Variants in TNXB observed in about 807,000 individuals in gnomAD.
The protein encoded by TNXB is tenascin XB.
Under a neutral mutation model 340.5 loss-of-function variants are expected in TNXB, and 183 were observed. The observed-to-expected ratio is 0.54, with a 90% CI of 0.48 to 0.61. The LOEUF is 0.61. Among genes scored for constraint, TNXB ranks in the 20% least tolerant of loss-of-function variants. TNXB has a pLI of 0.00. For synonymous variants in TNXB, 2,121 were observed against 2,314.5 expected (o/e 0.92, Z 2.40); for missense variants, 4,613 against 5,446.4 (o/e 0.85, Z 4.82).
Position 32,062,201 on chromosome 6 carries a change from T to G in TNXB, c.7124A>C (p.His2375Pro), listed in dbSNP as rs762163503. 4.3e-6 allele frequency: 7 copies of G among 1,612,392 alleles called. No homozygotes were observed. Among genetic ancestry groups the G allele is most frequent in the African/African-American group, 1.3e-5 (1 of 74,936 alleles). Residue 2375 changes from histidine (H) to proline (P), a missense_variant, in exon 20 of 44, where the codon CAC becomes CCC. This residue lies in a region of TNXB where 4,327 missense variants were observed against 4,859.4 expected (regional missense o/e 0.89). Coordinates refer to ENST00000644971, the MANE Select transcript of TNXB (RefSeq NM_001365276.2). The surrounding 1 kb of genome is among the most constrained non-coding windows in gnomAD (Gnocchi z 4.3). ...CACGGGGCCCACACGCTGGCCACCGTGGAAGCCGTACAGGTTCATCTTGTA... is the reference window on the plus strand; with the variant it reads ...CACGGGGCCCACACGCTGGCCACCGGGGAAGCCGTACAGGTTCATCTTGTA... Reference protein sequence around the residue: ...NKYKMNLYGFHGGQRVGPVSA... With the variant: ...NKYKMNLYGFPGGQRVGPVSA...
At chr6:32,092,464 G>A (rs547780815) in intron 4 of TNXB, among the ~76,000 whole-genome samples, 1 of 152,206 alleles carries the variant, frequency 6.6e-6, no homozygotes, top group Non-Finnish European at 1.5e-5. Context: ...GGTAGAGATA[G>A]GCTTCTAGGA....
In TNXB at chr6:32,081,282, T is replaced by C. The variant is rs1779408626; in HGVS notation, c.4042+86A>G. The C allele has an allele frequency of 1.5e-6, 2 of 1,354,922 alleles. No homozygotes were observed. Among genetic ancestry groups the C allele is most frequent in the South Asian group, 2.9e-5 (2 of 69,642 alleles). The allele number at this position is 1,354,922 out of a possible 1,614,324, so 83.9% of individuals were successfully genotyped here. On this transcript the variant is annotated intron_variant, in intron 10 of 43. Coordinates refer to ENST00000644971, the MANE Select transcript of TNXB (RefSeq NM_001365276.2). The surrounding 1 kb of genome is among the most constrained non-coding windows in gnomAD (Gnocchi z 5.1). Reference sequence around the variant, plus strand: ...GCAAAATGAGCTGAGAAGGCGAAGATGGAGGGAGGCTGGAAGGAGCCCCAG... The same window carrying C: ...GCAAAATGAGCTGAGAAGGCGAAGACGGAGGGAGGCTGGAAGGAGCCCCAG...
rs1440095299 is a variant in TNXB, at chr6:32,056,155, G to A, written c.8163C>T (p.Pro2721=). 8 of 1,611,568 alleles carry A rather than the reference G, an allele frequency of 5.0e-6. No homozygotes were observed. The highest frequency in any genetic ancestry group is 1.3e-5 in the African/African-American group (1 of 74,858). The part of the protein sequence containing the change: ...IGVTAAEEET[P]SPTELSTEAP... ...CCTCAGTGCTGAGTTCCGTGGGGCT[G>A]GGGGTCTCTTCCTCTGCAGCTGAGA... The change falls in exon 24 of 44, where the codon CCC becomes CCT. Residue 2721 remains proline (P), a synonymous_variant. Transcript: ENST00000644971.
chr6:32,067,604 G>A lies in TNXB; in HGVS notation c.6544+57C>T. 1.3e-6 allele frequency: 2 copies of A among 1,574,216 alleles called. No individual in the cohort carries two copies. The highest frequency in any genetic ancestry group is 1.7e-6 in the Non-Finnish European group (2 of 1,159,812). On this transcript the variant is annotated intron_variant, in intron 18 of 43. Transcript: ENST00000644971. The surrounding 1 kb of genome is among the most constrained non-coding windows in gnomAD (Gnocchi z 4.2). The stretch of plus-strand genomic sequence containing the variant: ...GTTCTGGGTCCCTAGTGGAGGAGAT[G>A]CTGGAGGCTGTACTTTGCTAAGACC...
At chr6:32,065,328 C>T (rs1778280489) in intron 18 of TNXB, among the ~76,000 whole-genome samples, 1 of 152,176 alleles carries the variant, frequency 6.6e-6, no homozygotes, top group Non-Finnish European at 1.5e-5. Context: ...AATGACTGTT[C>T]CCTCTACCTA....
In TNXB at chr6:32,047,911, C is replaced by G; in HGVS notation, c.10147G>C (p.Asp3383His). ...LSWTVPEGEFDSFVVQYKDKD... is the reference protein window; with the variant it reads ...LSWTVPEGEFHSFVVQYKDKD... ...TCCTTGTACTGGACCACGAAGGAGT[C>G]GAATTCGCCCTCAGGGACCGTCCAC... The change falls in exon 30 of 44, where the codon GAC (aspartate) becomes CAC (histidine). Residue 3383 changes from aspartate to histidine, a missense_variant. By Grantham distance (81) the Asp-to-His change is moderately conservative. Coordinates refer to ENST00000644971, the MANE Select transcript of TNXB (RefSeq NM_001365276.2). The surrounding 1 kb of genome is among the most constrained non-coding windows in gnomAD (Gnocchi z 6.2). 1 of 1,612,688 alleles carries G rather than the reference C, an allele frequency of 6.2e-7. No homozygotes were observed. The highest frequency in any genetic ancestry group is 8.5e-7 in the Non-Finnish European group (1 of 1,179,712).
rs776734008 is a variant in TNXB at position 32,042,672 on chromosome 6, C to T, written c.12058+27G>A. 727 of 1,318,398 alleles carry T rather than the reference C, an allele frequency of 5.5e-4. 20 individuals are homozygous for T. The South Asian group carries it at 7.3e-3, about 13-fold the overall frequency. The allele number at this position is 1,318,398 out of a possible 1,614,324, so 81.7% of individuals were successfully genotyped here. On this transcript the variant is annotated intron_variant, in intron 39 of 43. Transcript: ENST00000644971. ...AGGCCCTGGCTGCCCACCCAGCCCC[C>T]GGCCCCGGGCCCGTGCGTCCAGGTA...
At position 32,084,382 on chromosome 6, in the gene TNXB, C is replaced by G. The variant is rs1341586168; in HGVS notation, c.3445+31G>C. On this transcript the variant is annotated intron_variant, in intron 8 of 43. Coordinates refer to ENST00000644971, the MANE Select transcript of TNXB (RefSeq NM_001365276.2). The surrounding 1 kb of genome is among the most constrained non-coding windows in gnomAD (Gnocchi z 5.5). ...CTGAGAAAACCTCTTCAGGGCAGTA[C>G]AGAGGGCAGGGTGTTACTGCTGTCA... The G allele has an allele frequency of 6.4e-7, 1 of 1,556,524 alleles. No individual in the cohort carries two copies. Among genetic ancestry groups the G allele is most frequent in the Non-Finnish European group, 8.7e-7 (1 of 1,147,084 alleles).
At chr6:32,055,785 G>A in intron 24 of TNXB, 66 bp downstream of exon 24, 1 of 1,556,038 alleles carries the variant, frequency 6.4e-7, no homozygotes. Context: ...GAATATTTTT[G>A]TTTTCATGAA....
rs764846659 is a variant in TNXB at position 32,049,344 on chromosome 6, C to T, written c.9683G>A (p.Arg3228His). 19 of 1,612,310 alleles carry T rather than the reference C, an allele frequency of 1.2e-5. No homozygotes were observed. The highest frequency in any genetic ancestry group is 2.0e-4 in the Middle Eastern group (1 of 4,938). Residue 3228 changes from arginine (R) to histidine (H), a missense_variant, in exon 28 of 44, where the codon CGC (arginine) becomes CAC (histidine). Around this residue, in one of 7 missense-constraint regions of TNXB, gnomAD observed 4,327 missense variants for 4,859.4 expected, o/e 0.89. Transcript: ENST00000644971. The surrounding 1 kb of genome is among the most constrained non-coding windows in gnomAD (Gnocchi z 4.5). ...EVTVGGLEPGRKYKMHLYGLH... is the reference protein window; with the variant it reads ...EVTVGGLEPGHKYKMHLYGLH... Reference sequence around the variant, plus strand: ...GCCGTACAGATGCATCTTGTATTTGCGCCCGGGCTCCAGGCCCCCCACGGT... The same window carrying T: ...GCCGTACAGATGCATCTTGTATTTGTGCCCGGGCTCCAGGCCCCCCACGGT...
chr6:32,073,890 G>C lies in TNXB; in HGVS notation c.4438C>G (p.Leu1480Val), dbSNP rs754436915. 1 of 1,609,854 alleles carries C rather than the reference G, an allele frequency of 6.2e-7. No individual in the cohort carries two copies. The change falls in exon 12 of 44, where the codon CTG becomes GTG. Residue 1480 changes from leucine (L) to valine (V), a missense_variant. Leu to Val is a conservative substitution (Grantham distance 32). Coordinates refer to ENST00000644971, the MANE Select transcript of TNXB (RefSeq NM_001365276.2). The surrounding 1 kb of genome is among the most constrained non-coding windows in gnomAD (Gnocchi z 4.6). ...ESPLEPRLGE[L>V]TVTDVTPNSV... ...TTGGGGGTCACATCTGTCACTGTCA[G>C]CTCTCCTAGGCGTGGCTCCAGCGGG...
At position 32,049,956 on chromosome 6, in the gene TNXB, C is replaced by T. The variant is rs1197068351; in HGVS notation, c.9439+42G>A. On this transcript the variant is annotated intron_variant, in intron 27 of 43. Transcript: ENST00000644971. The surrounding 1 kb of genome is among the most constrained non-coding windows in gnomAD (Gnocchi z 4.5). ...TCATCACCAAAGAGCAAGAGGTGGC[C>T]CTCCCACAGCTCCCACCCTGGGGCT... 1.9e-6 allele frequency: 3 copies of T among 1,610,504 alleles called. No individual in the cohort carries two copies. Among genetic ancestry groups the T allele is most frequent in the Non-Finnish European group, 2.5e-6 (3 of 1,177,374 alleles).
chr6:32,042,117 G>C lies in TNXB; in HGVS notation c.12364C>G (p.Leu4122Val), dbSNP rs912541203. The change falls in exon 42 of 44, where the codon CTG becomes GTG. Residue 4122 changes from leucine to valine, a missense_variant. By Grantham distance (32) the Leu-to-Val change is conservative. Coordinates refer to ENST00000644971, the MANE Select transcript of TNXB (RefSeq NM_001365276.2). The stretch of plus-strand genomic sequence containing the variant: ...AACACAGCCTCGTCCCCAGCCCGCA[G>C]GTCCACGCGCATGGAGTAGTCACCT... ...QAGDYSMRVDLRAGDEAVFAQ... is the reference protein window; with the variant it reads ...QAGDYSMRVDVRAGDEAVFAQ... 13 of 595,876 alleles carry C rather than the reference G, an allele frequency of 2.2e-5. No homozygotes were observed. The Admixed American group carries it at 3.3e-4, about 15-fold the overall frequency. The allele number at this position is 595,876 out of a possible 1,614,324, so 36.9% of individuals were successfully genotyped here.
At chr6:32,104,178 G>A (rs1185897498) in intron 1 of TNXB, among the ~76,000 whole-genome samples, 2 of 152,162 alleles carry the variant, frequency 1.3e-5, no homozygotes, top group Non-Finnish European at 2.9e-5. Context: ...TGATTGTAAT[G>A]TGCAACAAAT....
intron 1 of TNXB, among the ~76,000 whole-genome samples, chr6:32,100,714 G>A (rs534550225): frequency 3.6e-4 from 54 of 151,690 alleles, no homozygotes; most frequent in African/African-American, 1.3e-3. Flanking sequence ...CAACAGAGCT[G>A]ATACTCTGTT....
Position 32,065,134 on chromosome 6 carries a change from A to G in TNXB, c.6545-17T>C. 1 of 1,533,358 alleles carries G rather than the reference A, an allele frequency of 6.5e-7. No homozygotes were observed. Among genetic ancestry groups the G allele is most frequent in the Non-Finnish European group, 8.8e-7 (1 of 1,135,990 alleles). 95.0% of individuals were successfully genotyped at this position (1,533,358 alleles called of 1,614,324 possible). On this transcript the variant is annotated splice_polypyrimidine_tract_variant and intron_variant, in intron 18 of 43. Coordinates refer to ENST00000644971, the MANE Select transcript of TNXB (RefSeq NM_001365276.2). ...CTTCGGGGGCTAGGAAGAGATAGAA[A>G]CAGAATCTTTTCTCTTGCTGCAAGG... is the stretch of plus-strand genomic sequence containing the variant.
At chr6:32,091,271 C>T (rs1402656755) in intron 4 of TNXB, among the ~76,000 whole-genome samples, 2 of 151,978 alleles carry the variant, frequency 1.3e-5, no homozygotes, top group Admixed American at 6.6e-5. Flanking sequence ...CCACCATGTC[C>T]GGCTAATTTT....
At position 32,049,616 on chromosome 6, in the gene TNXB, G is replaced by A. The variant is rs770106855; in HGVS notation, c.9440-29C>T. 8.1e-6 allele frequency: 13 copies of A among 1,599,660 alleles called. No homozygotes were observed. The highest frequency in any genetic ancestry group is 4.4e-5 in the South Asian group (4 of 90,598). On this transcript the variant is annotated intron_variant, in intron 27 of 43. Coordinates refer to ENST00000644971, the MANE Select transcript of TNXB (RefSeq NM_001365276.2). This position sits in a 1 kb window ranked among gnomAD's most constrained non-coding sequence, Gnocchi z 4.5. Reference sequence around the variant, plus strand: ...CAGTGGAGAAGGAGGGAGAGAGAGTGAGGGGGATGTCCTTGGGTCCTGGGG... The same window carrying A: ...CAGTGGAGAAGGAGGGAGAGAGAGTAAGGGGGATGTCCTTGGGTCCTGGGG...
rs565964485 is a variant in TNXB at position 32,090,746 on chromosome 6, C to T, written c.2359-1367G>A. Among the ~76,000 whole-genome samples, 215 of 152,268 alleles carry T rather than the reference C, an allele frequency of 1.4e-3. No individual in the cohort carries two copies. Among genetic ancestry groups the T allele is most frequent in the Non-Finnish European group, 2.4e-4 (16 of 68,004 alleles). ...AGGACCTCCAGCCCTCTCCTATTCACCCTGCCTTAGAATACCCCAGCCTAG... is the reference window on the plus strand; with the variant it reads ...AGGACCTCCAGCCCTCTCCTATTCATCCTGCCTTAGAATACCCCAGCCTAG... On this transcript the variant is annotated intron_variant, in intron 4 of 43. Coordinates refer to ENST00000644971, the MANE Select transcript of TNXB (RefSeq NM_001365276.2). The surrounding 1 kb of genome is among the most constrained non-coding windows in gnomAD (Gnocchi z 4.3).
Sources: gnomAD v4.1 joint callset for allele counts (sites outside exome capture counted in the v4.1 genomes callset) on GRCh38, gnomAD v4.1.1 for gene constraint, gnomAD v4.1.1 regional missense constraint, Gnocchi (gnomAD v3.1) non-coding constraint, MANE v1.5 for transcripts, NCBI Gene and HGNC (gene_info 2026-07-23, HGNC 2026-07-21) for gene names.